Variants in TBC1D5 observed in about 807,000 individuals in gnomAD.
The protein encoded by TBC1D5 is TBC1 domain family member 5, also known as TBC1 domain family, member 5.
In TBC1D5, 75 loss-of-function variants were observed where a neutral mutation model predicts 100.3. The ratio of observed to expected loss-of-function variants is 0.75; its 90% CI spans 0.62 to 0.91. The LOEUF (loss-of-function observed/expected upper bound fraction) is 0.91, where lower values mean the gene tolerates loss of function less well. Among genes scored for constraint, TBC1D5 ranks in the 40% least tolerant of loss-of-function variants. TBC1D5 has a pLI of 0.00. For missense variants in TBC1D5, 910 were observed against 942.4 expected (o/e 0.97, Z 0.45); for synonymous variants, 323 against 325.6 (o/e 0.99, Z 0.09).
At chr3:17,169,460 T>C (rs1014170089) in intron 19 of TBC1D5, among the ~76,000 whole-genome samples, 13 of 152,216 alleles carry the variant, frequency 8.5e-5, no homozygotes, top group African/African-American at 2.4e-5. Flanking sequence ...ATTAGAATCT[T>C]CAATAAGAAT....
At chr3:17,158,207 C>A (rs1041583899) in exon 22 of TBC1D5, 3 of 152,148 alleles carry the variant, frequency 2.0e-5, no homozygotes, top group African/African-American at 7.2e-5. Context: ...AAGAGGAATG[C>A]ATGAAACACA....
At position 17,268,592 on chromosome 3, in the gene TBC1D5, G is replaced by A. The variant is rs532965980; in HGVS notation, c.1246-10001C>T. Among the ~76,000 whole-genome samples the A allele has an allele frequency of 3.9e-5, 6 of 152,054 alleles. No homozygotes were observed. In the South Asian group the frequency reaches 1.2e-3, roughly 31 times the overall value. ...TTTAAAGTAGTAATGAATGTAAATA[G>A]TATTTCAAGATATCTTCATGAACTG... On this transcript the variant is annotated intron_variant, in intron 15 of 21. Coordinates refer to ENST00000253692, the Ensembl canonical transcript of TBC1D5.
chr3:17,167,688 T>C, intron 20 of TBC1D5, 61 bp downstream of exon 21: 4 of 1,492,702 alleles, frequency 2.7e-6, no homozygotes, highest in South Asian at 1.1e-5. Flanking sequence ...CTCCATGCCC[T>C]GGGGGGCCCT....
intron 3 of TBC1D5, 66 bp downstream of exon 3, chr3:17,508,404 GCTAA>G (rs2095865907): frequency 1.7e-6 from 2 of 1,198,536 alleles, no homozygotes; most frequent in Non-Finnish European, 2.5e-6. Context: ...GGTGGACACA[GCTAA>G]CTGAGGGCCC....
intron 3 of TBC1D5, among the ~76,000 whole-genome samples, chr3:17,475,957 T>C (rs1301323266): frequency 6.6e-6 from 1 of 152,090 alleles, no homozygotes; most frequent in Non-Finnish European, 1.5e-5. Context: ...GGTTATCATA[T>C]GTTATCTGAC....
At chr3:17,435,731 T>A (rs897427097) in intron 3 of TBC1D5, among the ~76,000 whole-genome samples, 1 of 152,180 alleles carries the variant, frequency 6.6e-6, no homozygotes, top group Non-Finnish European at 1.5e-5. Context: ...AATTGAAACA[T>A]AAGATAGACC....
At chr3:17,505,250 CA>C (rs1481351169) in intron 3 of TBC1D5, among the ~76,000 whole-genome samples, 2 of 151,720 alleles carry the variant, frequency 1.3e-5, no homozygotes, top group East Asian at 3.9e-4. Context: ...AATGGTTTTG[CA>C]CCATCCCCTT....
In TBC1D5 at chr3:17,459,709, G is replaced by C. The variant is rs2095165653; in HGVS notation, c.98-31190C>G. ...GCCCAGGAGTTCAGGGCCAGCCTGGGCAACATTAGTGTAACCGATCTCTTA... is the reference window on the plus strand; with the variant it reads ...GCCCAGGAGTTCAGGGCCAGCCTGGCCAACATTAGTGTAACCGATCTCTTA... On this transcript the variant is annotated intron_variant, in intron 3 of 21. Coordinates refer to ENST00000253692, the Ensembl canonical transcript of TBC1D5. 2.6e-5 allele frequency among the ~76,000 whole-genome samples: 4 copies of C among 151,522 alleles called. No homozygotes were observed. In the South Asian group the frequency reaches 8.3e-4, roughly 32 times the overall value.
In TBC1D5 at chr3:17,620,033, CAA is replaced by C. The variant is rs529725009; in HGVS notation, c.-36+3814_-36+3815del. Among the ~76,000 whole-genome samples, 27 of 152,302 alleles carry C rather than the reference CAA, an allele frequency of 1.8e-4. 1 individual carries two copies. The East Asian group carries it at 2.7e-3, about 15-fold the overall frequency. On this transcript the variant is annotated intron_variant, in intron 2 of 21. Coordinates refer to ENST00000253692, the Ensembl canonical transcript of TBC1D5. ...CTCTGTTTGCAAGGCTGTAGGGAAA[CAA>C]GCACTCTCATACACTGCAGCAGGGA...
chr3:17,452,593 T>C (rs2094953245), intron 3 of TBC1D5, among the ~76,000 whole-genome samples: 1 of 151,790 alleles, frequency 6.6e-6, no homozygotes, highest in Non-Finnish European at 1.5e-5. Flanking sequence ...GAAAAAAGGG[T>C]CAATTCACAG....
chr3:17,648,961 G>A (rs147415110), intron 1 of TBC1D5, among the ~76,000 whole-genome samples: 150 of 152,266 alleles, frequency 9.9e-4, no homozygotes, highest in Non-Finnish European at 1.5e-3. Flanking sequence ...ATTCAATCCA[G>A]CAATCCCATT....
intron 3 of TBC1D5, among the ~76,000 whole-genome samples, chr3:17,460,267 T>C (rs1181771708): frequency 6.6e-6 from 1 of 152,172 alleles, no homozygotes; most frequent in Non-Finnish European, 1.5e-5. Flanking sequence ...GAGAAATTGA[T>C]AAGGAAAATG....
intron 3 of TBC1D5, among the ~76,000 whole-genome samples, chr3:17,483,875 T>C (rs963614857): frequency 6.6e-6 from 1 of 152,178 alleles, no homozygotes; most frequent in Admixed American, 6.5e-5. Flanking sequence ...GAGTAAAAAA[T>C]AAATACTGTC....
intron 13 of TBC1D5, among the ~76,000 whole-genome samples, chr3:17,368,694 TTA>T (rs2092308221): frequency 6.6e-6 from 1 of 151,764 alleles, no homozygotes; most frequent in Non-Finnish European, 1.5e-5. Flanking sequence ...TATTTTCTTT[TTA>T]AATTTTTCAT....
At chr3:17,402,310 C>G (rs987174137) in intron 8 of TBC1D5, among the ~76,000 whole-genome samples, 5 of 152,248 alleles carry the variant, frequency 3.3e-5, no homozygotes, top group Admixed American at 1.3e-4. Flanking sequence ...GTGGAGCACA[C>G]AGGCAAAGCT....
At position 17,500,390 on chromosome 3, in the gene TBC1D5, C is replaced by G. The variant is rs2095770810; in HGVS notation, c.97+8084G>C. Among the ~76,000 whole-genome samples the G allele has an allele frequency of 2.0e-5, 3 of 149,544 alleles. 1 individual carries two copies. In the South Asian group the frequency reaches 6.4e-4, roughly 32 times the overall value. On this transcript the variant is annotated intron_variant, in intron 3 of 21. Coordinates refer to ENST00000253692, the Ensembl canonical transcript of TBC1D5. Reference sequence around the variant, plus strand: ...AAATACAAAAAACAATCACCTAAATCTAACATTAAAGCGTAAGAATATTCT... The same window carrying G: ...AAATACAAAAAACAATCACCTAAATGTAACATTAAAGCGTAAGAATATTCT...
chr3:17,647,394 A>C (rs2153709151), intron 1 of TBC1D5, among the ~76,000 whole-genome samples: 1 of 152,340 alleles, frequency 6.6e-6, no homozygotes, highest in South Asian at 2.1e-4. Flanking sequence ...GAGAAAAGTA[A>C]AGCAAGCTAC....
At chr3:17,686,164 T>C (rs966133717) in intron 1 of TBC1D5, among the ~76,000 whole-genome samples, 3 of 152,064 alleles carry the variant, frequency 2.0e-5, no homozygotes, top group Admixed American at 6.6e-5. Flanking sequence ...TCTGGGAAGC[T>C]CAAAGTCCTT....
chr3:17,412,950 G>T (rs1283263818), intron 4 of TBC1D5, among the ~76,000 whole-genome samples: 1 of 152,064 alleles, frequency 6.6e-6, no homozygotes, highest in African/African-American at 2.4e-5. Context: ...TTTAGTTTTT[G>T]AATATCAAGC....
Sources: allele counts gnomAD v4.1 joint callset (sites outside exome capture counted in the v4.1 genomes callset), GRCh38; gene constraint gnomAD v4.1.1; transcripts MANE v1.5; gene names NCBI Gene and HGNC (gene_info 2026-07-23, HGNC 2026-07-21).